LOC128092252: variants seen among roughly 807,000 people sequenced by gnomAD.
the LOC128092252 span, among the ~76,000 whole-genome samples, chr15:50,651,563 G>A: frequency 7.9e-5 from 12 of 152,276 alleles, no homozygotes; most frequent in Admixed American, 2.6e-4. Flanking sequence ...TTGGGAGGCC[G>A]AGGCAGGTGG....
At chr15:50,654,390 T>C in the LOC128092252 span, among the ~76,000 whole-genome samples, 298 of 151,232 alleles carry the variant, frequency 2.0e-3, 2 homozygotes, top group African/African-American at 6.6e-3. Flanking sequence ...GAGGGTGCAG[T>C]GAGCTGAGAT....
At chr15:50,676,935 C>G in the LOC128092252 span, among the ~76,000 whole-genome samples, 1 of 152,150 alleles carries the variant, frequency 6.6e-6, no homozygotes, top group Non-Finnish European at 1.5e-5. Context: ...CTCCAGGCAG[C>G]CCAGCTAAAT....
chr15:50,666,977 C>T, the LOC128092252 span, among the ~76,000 whole-genome samples: 1 of 152,092 alleles, frequency 6.6e-6, no homozygotes, highest in Non-Finnish European at 1.5e-5. Context: ...TATGGATTCG[C>T]CTCAAATTCT....
chr15:50,657,983 T>G, the LOC128092252 span, among the ~76,000 whole-genome samples: 2 of 151,744 alleles, frequency 1.3e-5, no homozygotes, highest in Non-Finnish European at 2.9e-5. Flanking sequence ...TTCAAATAAC[T>G]ATTTTTTAAC....
At chr15:50,682,992 C>T in the LOC128092252 span, among the ~76,000 whole-genome samples, 1 of 151,746 alleles carries the variant, frequency 6.6e-6, no homozygotes, top group Non-Finnish European at 1.5e-5. Context: ...AAGCCATCCT[C>T]CCACCTCAGC....
At chr15:50,684,222 C>A in the LOC128092252 span, among the ~76,000 whole-genome samples, 2 of 151,498 alleles carry the variant, frequency 1.3e-5, no homozygotes, top group African/African-American at 4.9e-5. Context: ...GCAGGATCTC[C>A]GCTTACTGCA....
chr15:50,672,333 G>C, the LOC128092252 span, among the ~76,000 whole-genome samples: 11 of 151,926 alleles, frequency 7.2e-5, no homozygotes, highest in African/African-American at 2.7e-4. Flanking sequence ...TAGGATTACA[G>C]GCGTGAGCCA....
At chr15:50,679,510 TAATATATATATATATATATATATATATA>T in the LOC128092252 span, among the ~76,000 whole-genome samples, 9 of 108,976 alleles carry the variant, frequency 8.3e-5, no homozygotes, top group East Asian at 2.0e-3. Flanking sequence ...TGTATATATA[TAATATATATATATATATATATATATATA>T]TTTTTTTTTT....
At chr15:50,657,270 G>C in the LOC128092252 span, among the ~76,000 whole-genome samples, 7 of 152,168 alleles carry the variant, frequency 4.6e-5, no homozygotes, top group African/African-American at 1.7e-4. Flanking sequence ...GTTGCAGTGA[G>C]CCGAGATTGT....
At chr15:50,679,538 A>ATATTTTTTTTTTTTTTTTT in the LOC128092252 span, among the ~76,000 whole-genome samples, 1 of 43,904 alleles carries the variant, frequency 2.3e-5, no homozygotes, top group African/African-American at 1.1e-4. Context: ...ATATATATAT[A>ATATTTTTTTTTTTTTTTTT]TTTTTTTTTT....
chr15:50,661,502 T>C, the LOC128092252 span, among the ~76,000 whole-genome samples: 2 of 152,208 alleles, frequency 1.3e-5, no homozygotes, highest in Non-Finnish European at 2.9e-5. Flanking sequence ...CATTACACTT[T>C]CAATGGAAAT....
At chr15:50,683,712 T>C in the LOC128092252 span, among the ~76,000 whole-genome samples, 3 of 151,848 alleles carry the variant, frequency 2.0e-5, no homozygotes, top group East Asian at 5.8e-4. Flanking sequence ...AGAGCAAGAC[T>C]CTGTTCCAAA....
At chr15:50,648,935 T>C in the LOC128092252 span, 1 of 1,435,242 alleles carries the variant, frequency 7.0e-7, no homozygotes, top group Non-Finnish European at 9.4e-7. Context: ...TTAGAGTTAA[T>C]GAAAAAATGG....
the LOC128092252 span, among the ~76,000 whole-genome samples, chr15:50,683,984 C>T: frequency 2.0e-5 from 3 of 151,730 alleles, no homozygotes; most frequent in Admixed American, 6.6e-5. Context: ...CTCAGCCTCA[C>T]GAGTAGCTGG....
the LOC128092252 span, among the ~76,000 whole-genome samples, chr15:50,681,894 T>C: frequency 6.6e-6 from 1 of 152,030 alleles, no homozygotes; most frequent in South Asian, 2.1e-4. Context: ...ACAGTGATGC[T>C]CATAAAAGAC....
chr15:50,684,670 G>A, the LOC128092252 span, among the ~76,000 whole-genome samples: 1 of 151,922 alleles, frequency 6.6e-6, no homozygotes, highest in Non-Finnish European at 1.5e-5. Context: ...AAAAAATACA[G>A]AGGAGAAAGA....
the LOC128092252 span, among the ~76,000 whole-genome samples, chr15:50,685,451 T>TGGGCGACAGAGAGA: frequency 6.6e-6 from 1 of 152,230 alleles, no homozygotes; most frequent in South Asian, 2.1e-4. Context: ...AGTGAGACCC[T>TGGGCGACAGAGAGA]GTCTCAAAAC....
the LOC128092252 span, among the ~76,000 whole-genome samples, chr15:50,680,522 T>A: frequency 1.3e-5 from 2 of 150,876 alleles, no homozygotes; most frequent in African/African-American, 4.9e-5. Flanking sequence ...TGAGCCAAGA[T>A]CGCACCACTG....
the LOC128092252 span, among the ~76,000 whole-genome samples, chr15:50,681,264 T>TACACAC: frequency 0.05 from 7,417 of 146,960 alleles, 304 homozygotes; most frequent in African/African-American, 0.12. Flanking sequence ...AATAAATAAA[T>TACACAC]ACACACACAC....
Sources: allele counts gnomAD v4.1 joint callset (sites outside exome capture counted in the v4.1 genomes callset), GRCh38; gene constraint gnomAD v4.1.1; transcripts MANE v1.5.